The following RGS22 variants were observed in gnomAD, a reference collection of about 807,000 sequenced individuals.
RGS22 encodes regulator of G-protein signaling 22.
A neutral mutation model predicts 172.9 loss-of-function variants in RGS22; 148 were observed. The observed-to-expected ratio is 0.86, with a 90% CI of 0.75 to 0.98. RGS22 has a LOEUF of 0.98. Among genes scored for constraint, RGS22 ranks in the 50% least tolerant of loss-of-function variants. RGS22 has a pLI of 0.00. For synonymous variants in RGS22, 458 were observed against 480.2 expected, an observed-to-expected ratio of 0.95 and a Z score of 0.60; for missense variants, 1,347 against 1,440.8, an observed-to-expected ratio of 0.93 and a Z score of 1.05.
At chr8:100,085,576 T>C (rs953520041) in intron 3 of RGS22, among the ~76,000 whole-genome samples, 1 of 152,216 alleles carries the variant, frequency 6.6e-6, no homozygotes, top group African/African-American at 2.4e-5. Flanking sequence ...TTCCTCTGGA[T>C]TGAAATGAGT....
intron 4 of RGS22, 35 bp downstream of exon 4, chr8:100,080,099 T>C: frequency 7.1e-7 from 1 of 1,411,140 alleles, no homozygotes; most frequent in Non-Finnish European, 9.9e-7. Flanking sequence ...AAATGCTTTA[T>C]CTATCTAACA....
At chr8:100,059,604 T>C (rs1348519580) in intron 9 of RGS22, among the ~76,000 whole-genome samples, 1 of 152,126 alleles carries the variant, frequency 6.6e-6, no homozygotes, top group Admixed American at 6.6e-5. Context: ...ATTTTAAATA[T>C]ATATGTACCC....
rs115847248 is a variant in RGS22, at chr8:100,057,392, T to C, written c.1515-4416A>G. ...GGGAAGGCACGATGGTGTTTTGAAA[T>C]GTGAAAGGAACATTAGATTTCTGGG... On this transcript the variant is annotated intron_variant, in intron 9 of 27. Transcript: ENST00000360863. Among the ~76,000 whole-genome samples the C allele has an allele frequency of 7.0e-3, 1,071 of 152,220 alleles. 11 individuals carry two copies. Among genetic ancestry groups the C allele is most frequent in the African/African-American group, 0.025 (1,028 of 41,498 alleles).
intron 9 of RGS22, among the ~76,000 whole-genome samples, chr8:100,059,444 A>T (rs1321794778): frequency 6.6e-6 from 1 of 151,838 alleles, no homozygotes; most frequent in Non-Finnish European, 1.5e-5. Context: ...ATGGAAAAAC[A>T]TGTTCCATGT....
intron 2 of RGS22, among the ~76,000 whole-genome samples, chr8:100,103,779 AG>A (rs1813688826): frequency 6.6e-6 from 1 of 152,232 alleles, no homozygotes; most frequent in Non-Finnish European, 1.5e-5. Context: ...GAAAGATAAG[AG>A]AACTCGGAGA....
chr8:99,993,839 C>T (rs888148338), intron 20 of RGS22, among the ~76,000 whole-genome samples: 1 of 152,008 alleles, frequency 6.6e-6, no homozygotes, highest in Non-Finnish European at 1.5e-5. Context: ...CCAATATCCC[C>T]GACAAACATC....
Position 100,051,837 on chromosome 8 carries a change from TTATATA to T in RGS22, c.1689+959_1689+964del, listed in dbSNP as rs1301512931. ...TTTATATATATTTATATATAAATGTTTATATATTTATATATTTATATATAAATGTTT... is the reference window on the plus strand; with the variant it reads ...TTTATATATATTTATATATAAATGTTTTTATATATTTATATATAAATGTTT... On this transcript the variant is annotated intron_variant, in intron 10 of 27. Coordinates refer to ENST00000360863, the MANE Select transcript of RGS22 (RefSeq NM_015668.5). 3.5e-5 allele frequency among the ~76,000 whole-genome samples: 2 copies of T among 57,138 alleles called. 1 individual carries two copies. The highest frequency in any genetic ancestry group is 6.9e-4 in the Admixed American group (2 of 2,880). The allele number at this position is 57,138 out of a possible 152,430, so 37.5% of individuals were successfully genotyped here.
At chr8:100,011,272 G>A (rs1010379594) in intron 14 of RGS22, among the ~76,000 whole-genome samples, 2 of 152,158 alleles carry the variant, frequency 1.3e-5, no homozygotes, top group East Asian at 1.9e-4. Context: ...GAGGAGTGAC[G>A]TCATTGGATG....
At chr8:100,009,099 T>G (rs1398521941) in intron 14 of RGS22, among the ~76,000 whole-genome samples, 1 of 152,150 alleles carries the variant, frequency 6.6e-6, no homozygotes, top group African/African-American at 2.4e-5. Context: ...TATCCAATGC[T>G]GTGGAAGACA....
chr8:100,002,767 G>C (rs1357010570), intron 17 of RGS22, among the ~76,000 whole-genome samples: 1 of 152,110 alleles, frequency 6.6e-6, no homozygotes, highest in Non-Finnish European at 1.5e-5. Flanking sequence ...TAGAAAGCTT[G>C]AATAAGGGCC....
intron 14 of RGS22, among the ~76,000 whole-genome samples, chr8:100,015,667 T>A (rs2219601): frequency 0.62 from 94,890 of 151,992 alleles, 29,876 homozygotes; most frequent in African/African-American, 0.69. Context: ...TTTTATTCTC[T>A]AATGCAAATC....
chr8:99,970,991 A>T (rs1811277987), intron 23 of RGS22, among the ~76,000 whole-genome samples: 1 of 152,238 alleles, frequency 6.6e-6, no homozygotes, highest in Admixed American at 6.5e-5. Context: ...AAACATTTGC[A>T]AACTGAATCC....
intron 23 of RGS22, among the ~76,000 whole-genome samples, chr8:99,973,844 G>A (rs1309294857): frequency 6.7e-6 from 1 of 150,192 alleles, no homozygotes; most frequent in Non-Finnish European, 1.5e-5. Flanking sequence ...ACTCCAGCCC[G>A]GGCGACAGAG....
chr8:99,965,416 T>G lies in RGS22; in HGVS notation c.3534A>C (p.Gln1178His), dbSNP rs147697097. Reference protein sequence around the residue: ...DEKSGKDGIKQYANTSVPAIK... With the variant: ...DEKSGKDGIKHYANTSVPAIK... ...TAGCAGGCACTGAAGTATTTGCATATTGTTTGATTCCATCCTGTAATTATA... is the reference window on the plus strand; with the variant it reads ...TAGCAGGCACTGAAGTATTTGCATAGTGTTTGATTCCATCCTGTAATTATA... Residue 1178 changes from glutamine (Q) to histidine (H), a missense_variant, in exon 24 of 28, where the codon CAA (glutamine) becomes CAC (histidine). Coordinates refer to ENST00000360863, the MANE Select transcript of RGS22 (RefSeq NM_015668.5). The G allele has an allele frequency of 6.2e-7, 1 of 1,609,764 alleles. No homozygotes were observed. Among genetic ancestry groups the G allele is most frequent in the East Asian group, 2.2e-5 (1 of 44,824 alleles).
chr8:100,030,711 AC>A (rs1387603871), intron 14 of RGS22, among the ~76,000 whole-genome samples: 1 of 152,222 alleles, frequency 6.6e-6, no homozygotes, highest in Non-Finnish European at 1.5e-5. Context: ...AGCTAAATCA[AC>A]AATAAGAGAA....
At chr8:100,083,284 T>C (rs996706148) in intron 3 of RGS22, among the ~76,000 whole-genome samples, 2 of 152,210 alleles carry the variant, frequency 1.3e-5, no homozygotes, top group Non-Finnish European at 2.9e-5. Flanking sequence ...CCAGGTTTTA[T>C]GTAAAAATTA....
rs188285709 is a variant in RGS22 at position 100,093,996 on chromosome 8, T to C, written c.55-487A>G. Among the ~76,000 whole-genome samples the C allele has an allele frequency of 4.6e-3, 695 of 152,310 alleles. 3 individuals carry two copies. Among genetic ancestry groups the C allele is most frequent in the Non-Finnish European group, 7.1e-3 (484 of 68,020 alleles). The stretch of plus-strand genomic sequence containing the variant: ...AAAGGAAGTGAAGAAAATGTTCTAC[T>C]GTCCCCCACCCCAGAATGAGGTACA... On this transcript the variant is annotated intron_variant, in intron 2 of 27. Transcript: ENST00000360863.
Position 100,071,375 on chromosome 8 carries a change from A to G in RGS22, c.588T>C (p.Leu196=). Residue 196 remains leucine, a synonymous_variant, in exon 6 of 28, where the codon CTT becomes CTC. Transcript: ENST00000360863. ...AAAATGCTCATACTTTTACCTCACCAAGTGATACATAGAACTTTTTCATAA... is the reference window on the plus strand; with the variant it reads ...AAAATGCTCATACTTTTACCTCACCGAGTGATACATAGAACTTTTTCATAA... The part of the protein sequence containing the change: ...LVIMKKFYVS[L]GEASYTQTKD... 6.2e-7 allele frequency: 1 copy of G among 1,605,844 alleles called. No homozygotes were observed. Among genetic ancestry groups the G allele is most frequent in the Non-Finnish European group, 8.5e-7 (1 of 1,176,936 alleles).
chr8:100,061,708 A>G (rs1810148738), intron 9 of RGS22, among the ~76,000 whole-genome samples: 1 of 152,238 alleles, frequency 6.6e-6, no homozygotes, highest in Admixed American at 6.5e-5. Flanking sequence ...GGGAGTGTAA[A>G]TTAGTTCAAC....
Sources: allele counts gnomAD v4.1 joint callset (sites outside exome capture counted in the v4.1 genomes callset), GRCh38; gene constraint gnomAD v4.1.1; transcripts MANE v1.5; gene names NCBI Gene and HGNC (gene_info 2026-07-23, HGNC 2026-07-21).